The following ANKRD6 variants were observed in gnomAD, a reference collection of about 807,000 sequenced individuals.
ANKRD6 encodes the protein ankyrin repeat domain 6.
Under a neutral mutation model 82.3 loss-of-function variants are expected in ANKRD6, and 56 were observed. That is an observed-to-expected ratio of 0.68 (90% CI 0.55 to 0.85). The LOEUF (loss-of-function observed/expected upper bound fraction) is 0.85, where lower values mean the gene tolerates loss of function less well. Ranked by LOEUF, ANKRD6 falls within the 40% of genes least tolerant of loss-of-function variation. The pLI, the probability that ANKRD6 is intolerant of heterozygous loss-of-function variation, is 0.00. For missense variants in ANKRD6, 852 were observed against 907.6 expected, an observed-to-expected ratio of 0.94 and a Z score of 0.79; for synonymous variants, 347 against 352.1, an observed-to-expected ratio of 0.99 and a Z score of 0.16.
intron 1 of ANKRD6, among the ~76,000 whole-genome samples, chr6:89,514,094 A>G (rs1411745252): frequency 6.6e-6 from 1 of 152,154 alleles, no homozygotes; most frequent in Non-Finnish European, 1.5e-5. Flanking sequence ...AACATTATGA[A>G]GGGCCGGGTG....
chr6:89,618,468 C>T (rs765645198), intron 9 of ANKRD6: 22 of 455,884 alleles, frequency 4.8e-5, no homozygotes, highest in East Asian at 1.3e-4. Context: ...GGCAGATAGT[C>T]GCCTGCCGGA....
chr6:89,481,851 G>A (rs924341265), intron 1 of ANKRD6, among the ~76,000 whole-genome samples: 1 of 152,152 alleles, frequency 6.6e-6, no homozygotes, highest in Non-Finnish European at 1.5e-5. Flanking sequence ...GGTGATTTGA[G>A]CATTCACTGC....
At chr6:89,564,669 G>A (rs1788086355) in intron 1 of ANKRD6, among the ~76,000 whole-genome samples, 1 of 152,032 alleles carries the variant, frequency 6.6e-6, no homozygotes. Context: ...CTGTACTGAG[G>A]TTGCAGCAAA....
chr6:89,540,973 T>G (rs570278776), intron 1 of ANKRD6, among the ~76,000 whole-genome samples: 10 of 152,258 alleles, frequency 6.6e-5, no homozygotes, highest in African/African-American at 2.4e-4. Context: ...CTATTCTGTT[T>G]CATTGGCCTG....
At chr6:89,517,622 A>G (rs1781381796) in intron 1 of ANKRD6, among the ~76,000 whole-genome samples, 1 of 152,276 alleles carries the variant, frequency 6.6e-6, no homozygotes, top group South Asian at 2.1e-4. Flanking sequence ...TATAGTCCAC[A>G]TAGATTGTTT....
chr6:89,588,932 G>T (rs1794319737), intron 2 of ANKRD6, among the ~76,000 whole-genome samples: 1 of 146,036 alleles, frequency 6.8e-6, no homozygotes, highest in Admixed American at 7.1e-5. Flanking sequence ...GGCAGAGGCT[G>T]CAGTGAGCTG....
chr6:89,556,129 G>T (rs562111630), intron 1 of ANKRD6, among the ~76,000 whole-genome samples: 1 of 152,372 alleles, frequency 6.6e-6, no homozygotes, highest in Admixed American at 6.5e-5. Context: ...GGGCACAGTG[G>T]CAGTGGCTCC....
intron 1 of ANKRD6, among the ~76,000 whole-genome samples, chr6:89,500,813 G>C (rs532727583): frequency 1.3e-5 from 2 of 152,238 alleles, no homozygotes; most frequent in Admixed American, 1.3e-4. Flanking sequence ...CCAGGACTGT[G>C]GGCCGTAGTT....
intron 1 of ANKRD6, among the ~76,000 whole-genome samples, chr6:89,479,626 T>TTTA (rs1404688256): frequency 5.6e-5 from 8 of 143,510 alleles, no homozygotes; most frequent in African/African-American, 1.6e-4. Context: ...TATTTATTTA[T>TTTA]TTATTATTAT....
chr6:89,510,691 C>A, intron 1 of ANKRD6, among the ~76,000 whole-genome samples: 1 of 152,112 alleles, frequency 6.6e-6, no homozygotes, highest in African/African-American at 2.4e-5. Context: ...ACTCCTATTT[C>A]CCCCCAATCT....
chr6:89,541,495 C>A (rs548905824), intron 1 of ANKRD6, among the ~76,000 whole-genome samples: 10 of 142,102 alleles, frequency 7.0e-5, no homozygotes, highest in Admixed American at 2.3e-4. Flanking sequence ...CGAGTTCAAG[C>A]GATTCTCCTG....
rs143704371 is a variant in ANKRD6, at chr6:89,514,451, G to C, written c.-143-52383G>C. 3.7e-4 allele frequency among the ~76,000 whole-genome samples: 57 copies of C among 152,116 alleles called. 1 individual carries two copies. The East Asian group carries it at 9.1e-3, about 24-fold the overall frequency. Reference sequence around the variant, plus strand: ...AGCTCATCAGCTATTGTTAGTGTTAGTGTATTTTATATGTGGCCCAAGACA... The same window carrying C: ...AGCTCATCAGCTATTGTTAGTGTTACTGTATTTTATATGTGGCCCAAGACA... On this transcript the variant is annotated intron_variant, in intron 1 of 15. Coordinates refer to ENST00000339746, the MANE Select transcript of ANKRD6 (RefSeq NM_001242809.2).
intron 2 of ANKRD6, among the ~76,000 whole-genome samples, chr6:89,578,374 T>TAACCTCCA (rs1196356416): frequency 2.2e-5 from 3 of 135,702 alleles, no homozygotes; most frequent in Non-Finnish European, 4.6e-5. Flanking sequence ...CGGCTCACTG[T>TAACCTCCA]AACCTCCACC....
chr6:89,529,703 C>T (rs1053757326), intron 1 of ANKRD6, among the ~76,000 whole-genome samples: 2 of 152,144 alleles, frequency 1.3e-5, no homozygotes, highest in African/African-American at 2.4e-5. Flanking sequence ...AGACATGAAA[C>T]TTGTCCTTTC....
chr6:89,454,466 G>A (rs1582681019), intron 1 of ANKRD6, among the ~76,000 whole-genome samples: 1 of 152,202 alleles, frequency 6.6e-6, no homozygotes, highest in East Asian at 1.9e-4. Flanking sequence ...TGCAAGAACT[G>A]AATAACAGAT....
Position 89,512,747 on chromosome 6 carries a change from A to G in ANKRD6, c.-143-54087A>G, listed in dbSNP as rs572270380. 7.9e-5 allele frequency among the ~76,000 whole-genome samples: 12 copies of G among 152,346 alleles called. 1 individual carries two copies. In the South Asian group the frequency reaches 2.5e-3, roughly 32 times the overall value. On this transcript the variant is annotated intron_variant, in intron 1 of 15. Transcript: ENST00000339746. ...GCTGTGCAGCATGTTGCACATAAATATCAATTTTAATCAGATACTGATTGG... is the reference window on the plus strand; with the variant it reads ...GCTGTGCAGCATGTTGCACATAAATGTCAATTTTAATCAGATACTGATTGG...
rs566057049 is a variant in ANKRD6 at position 89,552,240 on chromosome 6, T to A, written c.-143-14594T>A. Among the ~76,000 whole-genome samples the A allele has an allele frequency of 1.2e-4, 19 of 152,342 alleles. No homozygotes were observed. In the South Asian group the frequency reaches 3.1e-3, roughly 25 times the overall value. On this transcript the variant is annotated intron_variant, in intron 1 of 15. Coordinates refer to ENST00000339746, the MANE Select transcript of ANKRD6 (RefSeq NM_001242809.2). ...TTGCGAAGCATGTCCTCCACCTAAC[T>A]GGAGCATTACCTTCCTTAGGGGTCA... is the stretch of plus-strand genomic sequence containing the variant.
intron 2 of ANKRD6, among the ~76,000 whole-genome samples, chr6:89,574,470 A>G (rs1790662527): frequency 6.6e-6 from 1 of 152,228 alleles, no homozygotes; most frequent in Admixed American, 6.5e-5. Flanking sequence ...ACATGTTGCC[A>G]TAGTTATAAA....
chr6:89,625,810 T>C (rs955826779), intron 13 of ANKRD6, among the ~76,000 whole-genome samples: 1 of 150,608 alleles, frequency 6.6e-6, no homozygotes. Context: ...CTCAGCTCAC[T>C]ACAGCCTCTG....
Sources: gnomAD v4.1 joint callset for allele counts (sites outside exome capture counted in the v4.1 genomes callset) on GRCh38, gnomAD v4.1.1 for gene constraint, MANE v1.5 for transcripts, NCBI Gene and HGNC (gene_info 2026-07-23, HGNC 2026-07-21) for gene names.